The following ADAMTSL2 variants were observed in gnomAD, a reference collection of about 807,000 sequenced individuals.
ADAMTSL2 encodes the protein ADAMTS-like protein 2.
A neutral mutation model predicts 117.0 loss-of-function variants in ADAMTSL2; 55 were observed. The observed-to-expected ratio is 0.47, with a 90% CI of 0.38 to 0.59. ADAMTSL2 has a LOEUF of 0.59. Among genes scored for constraint, ADAMTSL2 ranks in the 20% least tolerant of loss-of-function variants. The pLI is 0.00. For missense variants in ADAMTSL2, 1,182 were observed against 1,354.5 expected (o/e 0.87, Z 2.00); for synonymous variants, 572 against 566.4 (o/e 1.01, Z -0.14).
In ADAMTSL2 at chr9:133,558,025, A is replaced by T. The variant is rs2131146501; in HGVS notation, c.1649+2095A>T. Among the ~76,000 whole-genome samples the T allele has an allele frequency of 6.6e-6, 1 of 152,300 alleles. No homozygotes were observed. The highest frequency in any genetic ancestry group is 1.9e-4 in the East Asian group (1 of 5,176). Reference sequence around the variant, plus strand: ...ATTCAGTGATCCTTAGGCCAGGGTCATGGCACAAGCTTACGGATCCTCAAG... The same window carrying T: ...ATTCAGTGATCCTTAGGCCAGGGTCTTGGCACAAGCTTACGGATCCTCAAG... On this transcript the variant is annotated intron_variant, in intron 11 of 18. Transcript: ENST00000651351. This position sits in a 1 kb window ranked among gnomAD's most constrained non-coding sequence, Gnocchi z 4.3.
upstream of ADAMTSL2, chr9:133,532,197 C>T (rs1829960728): frequency 6.6e-6 from 1 of 152,010 alleles, no homozygotes; most frequent in Non-Finnish European, 1.5e-5. Context: ...TTTTTTTTCT[C>T]TCTCTTTTTT....
chr9:133,570,550 C>T lies in ADAMTSL2; in HGVS notation c.2592+43C>T. ...CCCTCTGAGGTTGCCTGAGGCCAGA[C>T]CTGAATGTCGATCCCGCCCCTCCCG... On this transcript the variant is annotated intron_variant, in intron 17 of 18. Transcript: ENST00000651351. 6.3e-6 allele frequency: 10 copies of T among 1,576,356 alleles called. 2 individuals are homozygous for T. In the South Asian group the frequency reaches 1.2e-4, roughly 18 times the overall value.
intron 9 of ADAMTSL2, among the ~76,000 whole-genome samples, chr9:133,552,734 G>A (rs1021668417): frequency 7.2e-5 from 11 of 152,140 alleles, no homozygotes; most frequent in African/African-American, 2.7e-4. Flanking sequence ...ATCCAGACTC[G>A]GATGGCAGAT....
intron 5 of ADAMTSL2, 72 bp from the exon 6 acceptor site, chr9:133,540,526 G>T: frequency 1.9e-6 from 3 of 1,574,276 alleles, no homozygotes; most frequent in Non-Finnish European, 2.6e-6. Flanking sequence ...TCAGAGGGAG[G>T]AAAAGGGAAG....
Position 133,540,578 on chromosome 9 carries a change from T to C in ADAMTSL2, c.413-20T>C, listed in dbSNP as rs765950913. The C allele has an allele frequency of 7.4e-6, 12 of 1,612,852 alleles. No individual in the cohort carries two copies. Among genetic ancestry groups the C allele is most frequent in the Middle Eastern group, 1.6e-4 (1 of 6,062 alleles). On this transcript the variant is annotated intron_variant, in intron 5 of 18. Transcript: ENST00000651351. ...TTTCCTGCCCCGCTGAAACCTTCTG[T>C]CTTTGTCTCCCTCCACCAGATGACT... is the stretch of plus-strand genomic sequence containing the variant.
At chr9:133,560,009 C>T (rs1048300210) in intron 11 of ADAMTSL2, among the ~76,000 whole-genome samples, 1 of 152,228 alleles carries the variant, frequency 6.6e-6, no homozygotes. Flanking sequence ...CCAGTCCAAG[C>T]AAAACAGAAG....
chr9:133,564,011 A>G (rs1355710489), intron 12 of ADAMTSL2, among the ~76,000 whole-genome samples: 1 of 27,688 alleles, frequency 3.6e-5, no homozygotes, highest in African/African-American at 1.8e-4. Context: ...GAAGGGAGAG[A>G]GAGAGAGAGA....
At chr9:133,570,855 G>A (rs1208724938) in intron 17 of ADAMTSL2, among the ~76,000 whole-genome samples, 3 of 152,122 alleles carry the variant, frequency 2.0e-5, no homozygotes, top group Non-Finnish European at 4.4e-5. Flanking sequence ...TGGGCGGGGG[G>A]AGCAGATTGG....
chr9:133,561,535 G>A (rs1292280468), intron 12 of ADAMTSL2, among the ~76,000 whole-genome samples: 6 of 152,124 alleles, frequency 3.9e-5, no homozygotes, highest in Non-Finnish European at 7.4e-5. Flanking sequence ...GGGGTCATCC[G>A]GGCTACCACC....
rs545141937 is a variant in ADAMTSL2 at position 133,534,725 on chromosome 9, G to C, written c.-343G>C. 5.1e-5 allele frequency: 70 copies of C among 1,383,236 alleles called. No homozygotes were observed. The African/African-American group carries it at 9.9e-4, about 19-fold the overall frequency. The allele number at this position is 1,383,236 out of a possible 1,614,324, so 85.7% of individuals were successfully genotyped here. On this transcript the variant is annotated 5_prime_UTR_variant, in exon 1 of 19. Coordinates refer to ENST00000651351, the MANE Select transcript of ADAMTSL2 (RefSeq NM_014694.4). Reference sequence around the variant, plus strand: ...CGCCACTGGGCTGCGCCCCTCCCGGGAACCCCCTCTCTTGGATGCTCTTTG... The same window carrying C: ...CGCCACTGGGCTGCGCCCCTCCCGGCAACCCCCTCTCTTGGATGCTCTTTG...
At chr9:133,562,545 G>A (rs1194660622) in intron 12 of ADAMTSL2, among the ~76,000 whole-genome samples, 1 of 103,806 alleles carries the variant, frequency 9.6e-6, no homozygotes, top group Admixed American at 9.0e-5. Context: ...GGCCCGGCTC[G>A]CACCGCCGTG....
At chr9:133,547,738 A>G (rs1252869115) in intron 9 of ADAMTSL2, among the ~76,000 whole-genome samples, 5 of 152,100 alleles carry the variant, frequency 3.3e-5, no homozygotes, top group Admixed American at 1.3e-4. Flanking sequence ...CCCAGGCACT[A>G]TGGTGCTCGG....
chr9:133,560,866 C>T (rs989566960), intron 11 of ADAMTSL2, among the ~76,000 whole-genome samples: 1 of 152,216 alleles, frequency 6.6e-6, no homozygotes, highest in African/African-American at 2.4e-5. Context: ...GAGAAGCCTG[C>T]GTGTGTGCAG....
At chr9:133,539,365 A>G (rs967166868) in intron 4 of ADAMTSL2, among the ~76,000 whole-genome samples, 10 of 152,194 alleles carry the variant, frequency 6.6e-5, no homozygotes, top group Admixed American at 3.3e-4. Flanking sequence ...CGCAGTGTGC[A>G]TGGCCACGGA....
At position 133,537,504 on chromosome 9, in the gene ADAMTSL2, G is replaced by A. The variant is rs773603334; in HGVS notation, c.190G>A (p.Gly64Arg). The A allele has an allele frequency of 1.1e-5, 15 of 1,353,426 alleles. No homozygotes were observed. Among genetic ancestry groups the A allele is most frequent in the African/African-American group, 1.5e-5 (1 of 66,718 alleles). 83.8% of individuals were successfully genotyped at this position (1,353,426 alleles called of 1,614,324 possible). ...GTGGACGGCGTGTTCCCGCAGTTGCGGGGGTGGGGTGACATCCCAGGAGCG... is the reference window on the plus strand; with the variant it reads ...GTGGACGGCGTGTTCCCGCAGTTGCAGGGGTGGGGTGACATCCCAGGAGCG... Reference protein sequence around the residue: ...TKWTACSRSCGGGVTSQERHC... With the variant: ...TKWTACSRSCRGGVTSQERHC... Residue 64 changes from glycine (G) to arginine (R), a missense_variant, in exon 3 of 19, where the codon GGG (glycine) becomes AGG (arginine). Physicochemically the swap from Gly to Arg is moderately radical, Grantham distance 125. This residue lies in a region of ADAMTSL2 where 372 missense variants were observed against 463.4 expected (regional missense o/e 0.80). Coordinates refer to ENST00000651351, the MANE Select transcript of ADAMTSL2 (RefSeq NM_014694.4).
chr9:133,556,556 A>T lies in ADAMTSL2; in HGVS notation c.1649+626A>T, dbSNP rs1830609050. ...GAGGGGCAAGAGCCTGAAATCAGGG[A>T]TGAAGAACAAGGCTGGCATTGCAGC... On this transcript the variant is annotated intron_variant, in intron 11 of 18. Transcript: ENST00000651351. 7.2e-5 allele frequency among the ~76,000 whole-genome samples: 11 copies of T among 152,320 alleles called. No individual in the cohort carries two copies. The South Asian group carries it at 2.3e-3, about 32-fold the overall frequency.
intron 12 of ADAMTSL2, 125 bp downstream of exon 12, chr9:133,561,420 G>T: frequency 1.2e-6 from 1 of 853,702 alleles, no homozygotes. Flanking sequence ...GCTTGTCCGT[G>T]GCCTCCTGAC....
intron 12 of ADAMTSL2, among the ~76,000 whole-genome samples, chr9:133,562,823 G>C (rs1356415982): frequency 7.8e-6 from 1 of 127,454 alleles, no homozygotes; most frequent in East Asian, 2.2e-4. Context: ...CACCGCTGTG[G>C]GCGGCGTGGT....
At chr9:133,538,660 G>A (rs1830114605) in intron 4 of ADAMTSL2, among the ~76,000 whole-genome samples, 1 of 152,136 alleles carries the variant, frequency 6.6e-6, no homozygotes, top group Non-Finnish European at 1.5e-5. Flanking sequence ...GCTGGGACGG[G>A]CGGACTCACT....
Sources: gnomAD v4.1 joint callset for allele counts (sites outside exome capture counted in the v4.1 genomes callset) on GRCh38, gnomAD v4.1.1 for gene constraint, gnomAD v4.1.1 regional missense constraint, Gnocchi (gnomAD v3.1) non-coding constraint, MANE v1.5 for transcripts, NCBI Gene and HGNC (gene_info 2026-07-23, HGNC 2026-07-21) for gene names.